The following KDM5A variants were observed in gnomAD, a reference collection of about 807,000 sequenced individuals.
The protein encoded by KDM5A is lysine-specific demethylase 5A.
In KDM5A, 42 loss-of-function variants were observed where a neutral mutation model predicts 193.5. That is an observed-to-expected ratio of 0.22 (90% CI 0.17 to 0.28). The LOEUF (loss-of-function observed/expected upper bound fraction) is 0.28, where lower values mean the gene tolerates loss of function less well. Ranked by LOEUF, KDM5A falls within the 10% of genes least tolerant of loss-of-function variation. KDM5A has a pLI of 1.00. For missense variants in KDM5A, 1,692 were observed against 2,055.1 expected (o/e 0.82, Z 3.42); for synonymous variants, 796 against 718.1 (o/e 1.11, Z -1.73).
intron 2 of KDM5A, 45 bp from the exon 3 acceptor site, chr12:384,198 A>T: frequency 6.9e-7 from 1 of 1,451,434 alleles, no homozygotes; most frequent in East Asian, 2.3e-5. Context: ...GATTGAAATG[A>T]ATAAGAATAA....
intron 10 of KDM5A, among the ~76,000 whole-genome samples, chr12:339,831 T>C (rs1304895611): frequency 6.6e-6 from 1 of 151,980 alleles, no homozygotes; most frequent in Non-Finnish European, 1.5e-5. Context: ...CAAAGGGGAC[T>C]GACCTATGTA....
chr12:339,077 C>T (rs1943968748), intron 10 of KDM5A, among the ~76,000 whole-genome samples: 1 of 151,440 alleles, frequency 6.6e-6, no homozygotes, highest in African/African-American at 2.4e-5. Flanking sequence ...ACTCGGGAGG[C>T]TGAGGCAGGA....
rs374796088 is a variant in KDM5A at position 307,805 on chromosome 12, T to C, written c.3579A>G (p.Lys1193=). Residue 1193 remains lysine, a synonymous_variant, in exon 23 of 28, where the codon AAA becomes AAG. Transcript: ENST00000399788. This position sits in a 1 kb window ranked among gnomAD's most constrained non-coding sequence, Gnocchi z 4.3. ...TGGATCCTTTTTTTTGGGAACTTGA[T>C]TTAGGAAGAGGAACACAGCTGTTAT... is the stretch of plus-strand genomic sequence containing the variant. The part of the protein sequence containing the change: ...WFHNSCVPLP[K]SSSQKKGSSW... 1.2e-5 allele frequency: 19 copies of C among 1,614,064 alleles called. No individual in the cohort carries two copies. The African/African-American group carries it at 2.5e-4, about 22-fold the overall frequency.
intron 3 of KDM5A, among the ~76,000 whole-genome samples, chr12:369,443 G>A (rs1944398208): frequency 1.3e-5 from 2 of 152,142 alleles, no homozygotes; most frequent in Admixed American, 1.3e-4. Context: ...ACATTCTAGT[G>A]GAGGAAGACA....
chr12:383,515 C>G (rs902881755), intron 3 of KDM5A, among the ~76,000 whole-genome samples: 3 of 151,904 alleles, frequency 2.0e-5, no homozygotes, highest in Non-Finnish European at 1.5e-5. Context: ...CCGTGCCTGG[C>G]CCAAATTTTC....
rs749540223 is a variant in KDM5A, at chr12:349,330, C to CTT, written c.1308+1289_1308+1290dup. 1.6e-3 allele frequency among the ~76,000 whole-genome samples: 188 copies of CTT among 117,682 alleles called. 2 individuals are homozygous for CTT. The highest frequency in any genetic ancestry group is 5.2e-3 in the Middle Eastern group (1 of 192). The allele number at this position is 117,682 out of a possible 152,430, so 77.2% of individuals were successfully genotyped here. ...CCCCCGCGCCCAGCCATCTTCTAGA[C>CTT]TTTTTTTTTTTTTTTTTTGAGACGG... On this transcript the variant is annotated intron_variant, in intron 10 of 27. Transcript: ENST00000399788.
chr12:350,109 C>T (rs1944135805), intron 10 of KDM5A, among the ~76,000 whole-genome samples: 1 of 146,494 alleles, frequency 6.8e-6, no homozygotes, highest in African/African-American at 2.5e-5. Context: ...GCAGGGGCGA[C>T]AGGAACAAAA....
At position 388,929 on chromosome 12, in the gene KDM5A, T is replaced by C; in HGVS notation, c.163A>G (p.Lys55Glu). 6.2e-7 allele frequency: 1 copy of C among 1,614,186 alleles called. No homozygotes were observed. The highest frequency in any genetic ancestry group is 8.5e-7 in the Non-Finnish European group (1 of 1,180,030). The change falls in exon 1 of 28, where the codon AAG becomes GAG. Residue 55 changes from lysine to glutamate, a missense_variant and splice_region_variant. Physicochemically the swap from Lys to Glu is moderately conservative, Grantham distance 56 (BLOSUM62 1). This residue lies in a region of KDM5A where 120 missense variants were observed against 172.0 expected (regional missense o/e 0.70). Transcript: ENST00000399788. ...KTGICKIRPPKDWQPPFACEV... is the reference protein window; with the variant it reads ...KTGICKIRPPEDWQPPFACEV... Reference sequence around the variant, plus strand: ...TCTCTCTTCACAGACTGAGGTACCTTGGGCGGCCGAATTTTGCAGATGCCG... The same window carrying C: ...TCTCTCTTCACAGACTGAGGTACCTCGGGCGGCCGAATTTTGCAGATGCCG...
intron 19 of KDM5A, among the ~76,000 whole-genome samples, chr12:313,978 G>A (rs1943620316): frequency 6.6e-6 from 1 of 152,158 alleles, no homozygotes; most frequent in Admixed American, 6.5e-5. Flanking sequence ...TGATGTGGAG[G>A]GTTGGAGGCA....
intron 24 of KDM5A, among the ~76,000 whole-genome samples, chr12:297,608 TTAAGA>T (rs1359356502): frequency 2.0e-5 from 3 of 152,166 alleles, no homozygotes; most frequent in Non-Finnish European, 4.4e-5. Flanking sequence ...CAGGGCCCAC[TTAAGA>T]TAAGGAAATT....
chr12:366,853 G>A (rs1944362591), intron 3 of KDM5A, among the ~76,000 whole-genome samples: 1 of 152,164 alleles, frequency 6.6e-6, no homozygotes, highest in Non-Finnish European at 1.5e-5. Flanking sequence ...TAACATTTTG[G>A]TCAAATATAG....
intron 19 of KDM5A, among the ~76,000 whole-genome samples, chr12:317,199 A>G (rs1339132225): frequency 6.6e-6 from 1 of 152,162 alleles, no homozygotes; most frequent in Non-Finnish European, 1.5e-5. Flanking sequence ...ACTTTTCGAC[A>G]TGAATCCTCC....
intron 10 of KDM5A, among the ~76,000 whole-genome samples, chr12:340,118 T>C (rs1346825947): frequency 6.6e-6 from 1 of 152,040 alleles, no homozygotes; most frequent in Non-Finnish European, 1.5e-5. Flanking sequence ...ACTCAAAAGA[T>C]CCACCTGCCT....
At chr12:297,319 A>C in intron 24 of KDM5A, 119 bp from the exon 25 acceptor site, 1 of 826,352 alleles carries the variant, frequency 1.2e-6, no homozygotes, top group Non-Finnish European at 2.0e-6. Context: ...ATGAGATTAA[A>C]ATTAAATATC....
intron 5 of KDM5A, 86 bp from the exon 6 acceptor site, chr12:356,623 T>C: frequency 1.2e-6 from 1 of 825,834 alleles, no homozygotes; most frequent in South Asian, 1.4e-5. Context: ...CAGAATCCTC[T>C]TCAACACGGA....
chr12:338,471 C>T (rs1237719101), intron 10 of KDM5A, among the ~76,000 whole-genome samples: 1 of 152,120 alleles, frequency 6.6e-6, no homozygotes, highest in Non-Finnish European at 1.5e-5. Context: ...GAGAGAATAC[C>T]CTGGGAAGCC....
rs1485675432 is a variant in KDM5A, at chr12:318,281, T to C, written c.2722A>G (p.Arg908Gly). ...TGTTGCGGATCTGATAAGGTCAGTC[T>C]TACTTCGTCCAACCACCGAGCCTGT... is the stretch of plus-strand genomic sequence containing the variant. Reference protein sequence around the residue: ...LQQARWLDEVRLTLSDPQQVT... With the variant: ...LQQARWLDEVGLTLSDPQQVT... The change falls in exon 19 of 28, where the codon AGA becomes GGA. Residue 908 changes from arginine to glycine, a missense_variant. Physicochemically the swap from Arg to Gly is moderately radical, Grantham distance 125. Transcript: ENST00000399788. 6.2e-7 allele frequency: 1 copy of C among 1,614,116 alleles called. No homozygotes were observed.
At chr12:358,285 A>C (rs1281168841) in intron 5 of KDM5A, among the ~76,000 whole-genome samples, 3 of 152,226 alleles carry the variant, frequency 2.0e-5, no homozygotes, top group Non-Finnish European at 2.9e-5. Flanking sequence ...ACTACTTTAT[A>C]AGTCTGTGGT....
In KDM5A at chr12:321,112, G is replaced by A; in HGVS notation, c.2427-3C>T. 2 of 1,594,000 alleles carry A rather than the reference G, an allele frequency of 1.3e-6. No homozygotes were observed. Among genetic ancestry groups the A allele is most frequent in the Non-Finnish European group, 1.7e-6 (2 of 1,161,726 alleles). On this transcript the variant is annotated splice_region_variant and splice_polypyrimidine_tract_variant and intron_variant, in intron 17 of 27. Coordinates refer to ENST00000399788, the MANE Select transcript of KDM5A (RefSeq NM_001042603.3). ...TCCTCCCACTATCTGGGCTCTGTCT[G>A]ATGTGAAATAATATTGAGATATAAG... is the stretch of plus-strand genomic sequence containing the variant.
Sources: gnomAD v4.1 joint callset for allele counts (sites outside exome capture counted in the v4.1 genomes callset) on GRCh38, gnomAD v4.1.1 for gene constraint, gnomAD v4.1.1 regional missense constraint, Gnocchi (gnomAD v3.1) non-coding constraint, MANE v1.5 for transcripts, NCBI Gene and HGNC (gene_info 2026-07-23, HGNC 2026-07-21) for gene names.